Variants in SV2C observed in about 807,000 individuals in gnomAD.
The protein encoded by SV2C is synaptic vesicle glycoprotein 2C.
In SV2C, 49 loss-of-function variants were observed where a neutral mutation model predicts 79.7. The observed-to-expected ratio is 0.61, with a 90% CI of 0.49 to 0.78. The LOEUF is 0.78. Ranked by LOEUF, SV2C falls within the 30% of genes least tolerant of loss-of-function variation. SV2C has a pLI of 0.00. For synonymous variants in SV2C, 334 were observed against 333.2 expected (o/e 1.00, Z -0.03); for missense variants, 833 against 912.9 (o/e 0.91, Z 1.13).
intron 4 of SV2C, among the ~76,000 whole-genome samples, chr5:76,236,594 A>AGG (rs1488844736): frequency 6.6e-6 from 1 of 151,994 alleles, no homozygotes; most frequent in African/African-American, 2.4e-5. Context: ...AGAGAGAGAG[A>AGG]GAAATAGAGA....
At chr5:76,318,716 T>C (rs547919392) in intron 12 of SV2C, among the ~76,000 whole-genome samples, 3 of 152,234 alleles carry the variant, frequency 2.0e-5, no homozygotes, top group East Asian at 3.9e-4. Context: ...AATAAGTAGA[T>C]TGAGTACAAA....
chr5:76,147,346 TG>T (rs1749469342), intron 2 of SV2C, among the ~76,000 whole-genome samples: 1 of 152,210 alleles, frequency 6.6e-6, no homozygotes, highest in African/African-American at 2.4e-5. Flanking sequence ...ATCCTGGGAC[TG>T]GCAGTACATC....
At chr5:76,236,237 T>TA (rs1745606415) in intron 4 of SV2C, among the ~76,000 whole-genome samples, 2 of 152,162 alleles carry the variant, frequency 1.3e-5, no homozygotes, top group Non-Finnish European at 2.9e-5. Context: ...TTATAGTCAA[T>TA]ATTGAAAATC....
At chr5:76,226,005 G>A (rs760588258) in intron 4 of SV2C, among the ~76,000 whole-genome samples, 1 of 152,182 alleles carries the variant, frequency 6.6e-6, no homozygotes, top group African/African-American at 2.4e-5. Flanking sequence ...TCCTGAAGAT[G>A]AAAATCCTTG....
chr5:75,864,390 C>G, the SV2C span, among the ~76,000 whole-genome samples: 1 of 152,066 alleles, frequency 6.6e-6, no homozygotes, highest in Non-Finnish European at 1.5e-5. Context: ...GGTACCAGGC[C>G]CCTATCTCCT....
intron 6 of SV2C, among the ~76,000 whole-genome samples, chr5:76,289,603 C>T (rs757504435): frequency 6.6e-6 from 1 of 152,188 alleles, no homozygotes; most frequent in Non-Finnish European, 1.5e-5. Context: ...TATTATTCCA[C>T]CTCCTAAATA....
intron 8 of SV2C, among the ~76,000 whole-genome samples, chr5:76,293,314 T>C (rs994431816): frequency 2.0e-5 from 3 of 152,110 alleles, no homozygotes; most frequent in Non-Finnish European, 4.4e-5. Flanking sequence ...AAGAAGGAAG[T>C]CCTGCTGTCA....
the SV2C span, among the ~76,000 whole-genome samples, chr5:75,864,129 G>A: frequency 2.0e-5 from 3 of 152,088 alleles, no homozygotes; most frequent in Admixed American, 2.0e-4. Context: ...ATAATTCATG[G>A]TTATGATTTA....
chr5:75,860,922 C>T, the SV2C span, among the ~76,000 whole-genome samples: 215 of 152,184 alleles, frequency 1.4e-3, no homozygotes, highest in African/African-American at 4.1e-3. Flanking sequence ...TTTCACTATA[C>T]GCAAAAATTA....
the SV2C span, among the ~76,000 whole-genome samples, chr5:75,884,388 A>G: frequency 0.062 from 9,404 of 152,272 alleles, 342 homozygotes; most frequent in Admixed American, 0.084. Flanking sequence ...TTTAACTCCA[A>G]TAACAAATAA....
At chr5:75,882,363 C>A in the SV2C span, among the ~76,000 whole-genome samples, 1 of 145,550 alleles carries the variant, frequency 6.9e-6, no homozygotes, top group Non-Finnish European at 1.5e-5. Context: ...CCCCATCAAG[C>A]TCCAATGACT....
chr5:75,935,347 T>C, the SV2C span, among the ~76,000 whole-genome samples: 25 of 152,090 alleles, frequency 1.6e-4, no homozygotes, highest in Admixed American at 1.4e-3. Context: ...TCTTATATAT[T>C]GAGGTAGGAG....
At chr5:76,234,821 T>TG in intron 4 of SV2C, among the ~76,000 whole-genome samples, 1 of 152,188 alleles carries the variant, frequency 6.6e-6, no homozygotes, top group South Asian at 2.1e-4. Flanking sequence ...CTGTGCTTAC[T>TG]TGATTTATAA....
the SV2C span, among the ~76,000 whole-genome samples, chr5:75,995,821 T>A: frequency 6.6e-6 from 1 of 152,122 alleles, no homozygotes; most frequent in Admixed American, 6.6e-5. Flanking sequence ...GCAGGATTCC[T>A]AAATCCTGAT....
intron 2 of SV2C, among the ~76,000 whole-genome samples, chr5:76,132,672 C>T (rs1363653900): frequency 6.6e-6 from 1 of 152,068 alleles, no homozygotes; most frequent in East Asian, 1.9e-4. Context: ...AATTCCAAAG[C>T]TACTCTCTTG....
intron 2 of SV2C, among the ~76,000 whole-genome samples, chr5:76,157,461 A>G (rs1450546175): frequency 2.0e-5 from 3 of 152,038 alleles, no homozygotes; most frequent in Non-Finnish European, 4.4e-5. Context: ...CTGAATCTTC[A>G]AGAAAAAAAC....
chr5:76,027,451 AGTT>A, the SV2C span, among the ~76,000 whole-genome samples: 1 of 151,772 alleles, frequency 6.6e-6, no homozygotes, highest in South Asian at 2.1e-4. Flanking sequence ...ATTAGAAAGC[AGTT>A]GTTCTTTCTG....
downstream of SV2C, among the ~76,000 whole-genome samples, chr5:76,334,170 C>T (rs143503795): frequency 1.3e-5 from 2 of 152,212 alleles, no homozygotes; most frequent in South Asian, 2.1e-4. Context: ...AGAATATGTT[C>T]GTGGGGGAGT....
intron 4 of SV2C, among the ~76,000 whole-genome samples, chr5:76,277,443 C>T (rs1747056127): frequency 6.6e-6 from 1 of 152,306 alleles, no homozygotes; most frequent in Middle Eastern, 3.4e-3. Context: ...GTATGTGCAA[C>T]AGTTTGCATA....
Sources: gnomAD v4.1 joint callset for allele counts (sites outside exome capture counted in the v4.1 genomes callset) on GRCh38, gnomAD v4.1.1 for gene constraint, MANE v1.5 for transcripts, NCBI Gene and HGNC (gene_info 2026-07-23, HGNC 2026-07-21) for gene names.